Variants in EPG5 observed in about 807,000 individuals in gnomAD.
EPG5 encodes the protein ectopic P granules protein 5 homolog.
In EPG5, 159 loss-of-function variants were observed where a neutral mutation model predicts 302.7. The ratio of observed to expected loss-of-function variants is 0.53; its 90% CI spans 0.46 to 0.60. EPG5 has a LOEUF of 0.60. Ranked by LOEUF, EPG5 falls within the 20% of genes least tolerant of loss-of-function variation. EPG5 has a pLI of 0.00. For missense variants in EPG5, 2,896 were observed against 3,092.4 expected, an observed-to-expected ratio of 0.94 and a Z score of 1.51; for synonymous variants, 1,158 against 1,136.8, an observed-to-expected ratio of 1.02 and a Z score of -0.37.
the EPG5 span, among the ~76,000 whole-genome samples, chr18:45,800,675 T>C: frequency 4.6e-5 from 7 of 152,200 alleles, no homozygotes; most frequent in African/African-American, 1.4e-4. Flanking sequence ...ACTCTCGATA[T>C]TGGAGCTTCT....
the EPG5 span, among the ~76,000 whole-genome samples, chr18:45,823,285 C>T: frequency 1.1e-4 from 17 of 152,036 alleles, no homozygotes; most frequent in Admixed American, 1.1e-3. Flanking sequence ...ACTCTGGAGA[C>T]ACCTGAGATG....
the EPG5 span, among the ~76,000 whole-genome samples, chr18:45,815,390 T>C: frequency 1.3e-5 from 2 of 151,730 alleles, no homozygotes; most frequent in African/African-American, 4.8e-5. Flanking sequence ...ATATGCACCT[T>C]ATAGAAAAAT....
Position 45,916,169 on chromosome 18 carries a change from C to A in EPG5, c.3422G>T (p.Gly1141Val). 6.2e-7 allele frequency: 1 copy of A among 1,613,924 alleles called. No individual in the cohort carries two copies. The highest frequency in any genetic ancestry group is 1.1e-5 in the South Asian group (1 of 91,042). The change falls in exon 19 of 44, where the codon GGC (glycine) becomes GTC (valine). Residue 1141 changes from glycine to valine, a missense_variant. Physicochemically the swap from Gly to Val is moderately radical, Grantham distance 109 (BLOSUM62 -3). Transcript: ENST00000282041. ...ISVSTQPNEV[G>V]PVAVLEFWVQ... is the part of the protein sequence containing the mutation. ...CCAGAACTCCAACACAGCAACGGGG[C>A]CCACTTCATTGGGCTGAGTGCTTAC...
At chr18:45,941,930 G>A (rs1200158527) in intron 9 of EPG5, among the ~76,000 whole-genome samples, 1 of 152,076 alleles carries the variant, frequency 6.6e-6, no homozygotes, top group Non-Finnish European at 1.5e-5. Flanking sequence ...TAGACCTCAG[G>A]AGGGACCCCC....
chr18:45,846,281 G>A (rs1381771336), downstream of EPG5, among the ~76,000 whole-genome samples: 2 of 152,080 alleles, frequency 1.3e-5, no homozygotes, highest in African/African-American at 2.4e-5. Context: ...ATCACTTTGG[G>A]AGGCCGAGGT....
At chr18:45,825,803 G>A in the EPG5 span, 8 of 1,613,928 alleles carry the variant, frequency 5.0e-6, no homozygotes, top group Non-Finnish European at 6.8e-6. Flanking sequence ...TACTCTCTCT[G>A]GCCCATGCTC....
In EPG5 at chr18:45,949,522, G is replaced by T. The variant is rs757827239; in HGVS notation, c.1459C>A (p.Pro487Thr). 1 of 1,612,874 alleles carries T rather than the reference G, an allele frequency of 6.2e-7. No individual in the cohort carries two copies. Among genetic ancestry groups the T allele is most frequent in the Non-Finnish European group, 8.5e-7 (1 of 1,179,274 alleles). ...ACAGCCCATTTACTAACACCAGCGGGGCATCGAAGAATATGGTTTAGAAGG... is the reference window on the plus strand; with the variant it reads ...ACAGCCCATTTACTAACACCAGCGGTGCATCGAAGAATATGGTTTAGAAGG... ...LFLLNHILRCPAGVSKWAVPF... is the reference protein window; with the variant it reads ...LFLLNHILRCTAGVSKWAVPF... Residue 487 changes from proline to threonine, a missense_variant, in exon 5 of 44, where the codon CCC becomes ACC. By Grantham distance (38) the Pro-to-Thr change is conservative. Around this residue, in one of 5 missense-constraint regions of EPG5, gnomAD observed 1,390 missense variants for 1,430.0 expected, o/e 0.97. Transcript: ENST00000282041.
chr18:45,942,147 C>A (rs564927252), intron 9 of EPG5, among the ~76,000 whole-genome samples: 1 of 152,098 alleles, frequency 6.6e-6, no homozygotes, highest in Non-Finnish European at 1.5e-5. Flanking sequence ...ATGGCTTTAA[C>A]CTGGGAGGCA....
chr18:45,805,482 AAAG>A, the EPG5 span, among the ~76,000 whole-genome samples: 1 of 151,982 alleles, frequency 6.6e-6, no homozygotes, highest in Non-Finnish European at 1.5e-5. Flanking sequence ...GAGGGGCAAA[AAAG>A]AAAACAAATA....
chr18:45,883,092 G>C (rs994272066), intron 30 of EPG5, among the ~76,000 whole-genome samples: 1 of 151,646 alleles, frequency 6.6e-6, no homozygotes, highest in Non-Finnish European at 1.5e-5. Flanking sequence ...GAATCTCAGA[G>C]GCAGAGTTTT....
At chr18:45,892,644 C>G (rs950351108) in intron 27 of EPG5, among the ~76,000 whole-genome samples, 1 of 152,192 alleles carries the variant, frequency 6.6e-6, no homozygotes, top group African/African-American at 2.4e-5. Context: ...CCCCAGGGAA[C>G]ATCACTGAAT....
chr18:45,868,158 T>A, intron 36 of EPG5: 1 of 456,664 alleles, frequency 2.2e-6, no homozygotes, highest in Non-Finnish European at 4.4e-6. Context: ...CAGAACTAAA[T>A]GGAAGGTATA....
At chr18:45,965,537 C>T (rs2051229310) in intron 1 of EPG5, among the ~76,000 whole-genome samples, 1 of 152,190 alleles carries the variant, frequency 6.6e-6, no homozygotes, top group South Asian at 2.1e-4. Context: ...TACCTATGAA[C>T]ACTACCCTCC....
chr18:45,807,490 A>G, the EPG5 span, among the ~76,000 whole-genome samples: 1 of 152,094 alleles, frequency 6.6e-6, no homozygotes, highest in Non-Finnish European at 1.5e-5. Flanking sequence ...CCTCCCTGCC[A>G]CCTCCACTAG....
At chr18:45,871,971 G>T (rs1041760244) in intron 35 of EPG5, among the ~76,000 whole-genome samples, 1 of 152,284 alleles carries the variant, frequency 6.6e-6, no homozygotes, top group South Asian at 2.1e-4. Context: ...GGTAAGCAAG[G>T]TGATGGATAT....
intron 32 of EPG5, 136 bp downstream of exon 32, chr18:45,879,939 G>A: frequency 1.0e-6 from 1 of 956,928 alleles, no homozygotes; most frequent in Admixed American, 2.7e-5. Context: ...GGACACGAGG[G>A]AACCAAAGCA....
intron 31 of EPG5, among the ~76,000 whole-genome samples, chr18:45,881,291 T>C (rs899624337): frequency 6.6e-6 from 1 of 152,230 alleles, no homozygotes; most frequent in African/African-American, 2.4e-5. Context: ...CAACACACAC[T>C]ATTTGAAACT....
chr18:45,873,253 T>A (rs1004739680), intron 35 of EPG5, among the ~76,000 whole-genome samples: 3 of 152,256 alleles, frequency 2.0e-5, no homozygotes, highest in African/African-American at 7.2e-5. Flanking sequence ...GGCTCATGCC[T>A]GTAATCCCAG....
chr18:45,880,882 A>G (rs1200586063), intron 31 of EPG5, among the ~76,000 whole-genome samples: 1 of 152,200 alleles, frequency 6.6e-6, no homozygotes, highest in Admixed American at 6.5e-5. Context: ...GAGGCCAGTT[A>G]CAATATGTCC....
Sources: gnomAD v4.1 joint callset for allele counts (sites outside exome capture counted in the v4.1 genomes callset) on GRCh38, gnomAD v4.1.1 for gene constraint, gnomAD v4.1.1 regional missense constraint, MANE v1.5 for transcripts, NCBI Gene and HGNC (gene_info 2026-07-23, HGNC 2026-07-21) for gene names.